MAP1B: variants seen among roughly 807,000 people sequenced by gnomAD.
The protein encoded by MAP1B is microtubule-associated protein 1B.
MAP1B carries 12 observed loss-of-function variants against 176.1 expected under a neutral mutation model. That is an observed-to-expected ratio of 0.07 (90% CI 0.04 to 0.11). The LOEUF (loss-of-function observed/expected upper bound fraction) is 0.11. Among genes scored for constraint, MAP1B ranks in the 10% least tolerant of loss-of-function variants. The pLI, the probability that MAP1B is intolerant of heterozygous loss-of-function variation, is 1.00. For missense variants in MAP1B, 2,523 were observed against 2,990.5 expected (o/e 0.84, Z 3.65); for synonymous variants, 1,044 against 1,135.0 (o/e 0.92, Z 1.61).
At position 72,198,252 on chromosome 5, in the gene MAP1B, ACAC is replaced by A. The variant is rs1406276611; in HGVS notation, c.4899_4901del (p.Pro1634del). On this transcript the variant is annotated inframe_deletion, in exon 5 of 7. Transcript: ENST00000296755. The stretch of plus-strand genomic sequence containing the variant: ...CTCCCCTAAAACTGCAAAGTCCAGG[ACAC>A]CCGTTCAAGATCACAGATCTGAACA... 6.2e-7 allele frequency: 1 copy of A among 1,614,224 alleles called. No individual in the cohort carries two copies. Among genetic ancestry groups the A allele is most frequent in the Non-Finnish European group, 8.5e-7 (1 of 1,180,026 alleles).
intron 2 of MAP1B, among the ~76,000 whole-genome samples, chr5:72,163,832 T>C (rs1429962226): frequency 2.6e-5 from 4 of 151,922 alleles, no homozygotes; most frequent in Non-Finnish European, 2.9e-5. Context: ...TTGGAATAGA[T>C]CCATATAAAT....
At chr5:72,116,699 T>C (rs1214159316) in intron 2 of MAP1B, among the ~76,000 whole-genome samples, 1 of 152,164 alleles carries the variant, frequency 6.6e-6, no homozygotes, top group East Asian at 1.9e-4. Context: ...CATTGACCCA[T>C]CAGAAACACT....
In MAP1B at chr5:72,194,434, A is replaced by G. The variant is rs1747098666; in HGVS notation, c.1079A>G (p.Asn360Ser). ...ISPDLGVVFLNVPENLKNPEP... is the reference protein window; with the variant it reads ...ISPDLGVVFLSVPENLKNPEP... ...CCTGACTTAGGAGTTGTATTTCTCA[A>G]TGTACCTGAAAATCTCAAAAATCCA... Residue 360 changes from asparagine to serine, a missense_variant, in exon 5 of 7, where the codon AAT (asparagine) becomes AGT (serine). Asn to Ser is a conservative substitution (Grantham distance 46, BLOSUM62 1). Coordinates refer to ENST00000296755, the MANE Select transcript of MAP1B (RefSeq NM_005909.5). This position sits in a 1 kb window ranked among gnomAD's most constrained non-coding sequence, Gnocchi z 7.2. The G allele has an allele frequency of 1.2e-6, 2 of 1,614,080 alleles. No homozygotes were observed. The highest frequency in any genetic ancestry group is 1.7e-6 in the Non-Finnish European group (2 of 1,180,018).
chr5:72,187,030 T>G (rs1358649000), intron 4 of MAP1B, among the ~76,000 whole-genome samples: 1 of 152,224 alleles, frequency 6.6e-6, no homozygotes, highest in African/African-American at 2.4e-5. Context: ...GTAAAAATGA[T>G]GGAGAAACTT....
In MAP1B at chr5:72,196,547, C is replaced by T. The variant is rs1747174399; in HGVS notation, c.3192C>T (p.Phe1064=). ...EAGGAEEQYG[F]LTTPTKQLGA... is the part of the protein sequence containing the mutation. ...GTGGTGCCGAGGAGCAGTATGGATT[C>T]CTCACCACACCAACCAAGCAACTAG... Residue 1064 remains phenylalanine, a synonymous_variant, in exon 5 of 7, where the codon TTC becomes TTT. Coordinates refer to ENST00000296755, the MANE Select transcript of MAP1B (RefSeq NM_005909.5). This position sits in a 1 kb window ranked among gnomAD's most constrained non-coding sequence, Gnocchi z 5.3. The T allele has an allele frequency of 1.2e-6, 2 of 1,613,608 alleles. No individual in the cohort carries two copies. Among genetic ancestry groups the T allele is most frequent in the African/African-American group, 1.3e-5 (1 of 74,884 alleles).
chr5:72,184,681 T>C (rs1217089444), intron 3 of MAP1B, among the ~76,000 whole-genome samples: 2 of 152,078 alleles, frequency 1.3e-5, no homozygotes, highest in Non-Finnish European at 2.9e-5. Flanking sequence ...CTTCCTTTAT[T>C]ATAGTTGAGC....
chr5:72,169,953 A>G (rs1746504064), intron 2 of MAP1B, among the ~76,000 whole-genome samples: 1 of 152,222 alleles, frequency 6.6e-6, no homozygotes, highest in South Asian at 2.1e-4. Context: ...AGTAGGTATG[A>G]TGCCTTATTT....
In MAP1B at chr5:72,199,140, A is replaced by G; in HGVS notation, c.5785A>G (p.Thr1929Ala). ...SGYSYETIGK[T>A]TKTPEDGDYS... is the part of the protein sequence containing the mutation. The stretch of plus-strand genomic sequence containing the variant: ...CTACTCCTATGAGACCATTGGGAAA[A>G]CTACCAAGACCCCTGAAGATGGTGA... Residue 1929 changes from threonine (T) to alanine (A), a missense_variant, in exon 5 of 7, where the codon ACT (threonine) becomes GCT (alanine). Transcript: ENST00000296755. The surrounding 1 kb of genome is among the most constrained non-coding windows in gnomAD (Gnocchi z 4.2). 1 of 1,614,148 alleles carries G rather than the reference A, an allele frequency of 6.2e-7. No individual in the cohort carries two copies. Among genetic ancestry groups the G allele is most frequent in the Non-Finnish European group, 8.5e-7 (1 of 1,180,030 alleles).
At chr5:72,167,305 C>A (rs372558663) in intron 2 of MAP1B, among the ~76,000 whole-genome samples, 42 of 152,042 alleles carry the variant, frequency 2.8e-4, no homozygotes, top group African/African-American at 9.4e-4. Context: ...AAACAAGAAG[C>A]AAAAATTTTA....
rs1461655241 is a variant in MAP1B at position 72,200,096 on chromosome 5, G to T, written c.6741G>T (p.Lys2247Asn). The T allele has an allele frequency of 6.2e-7, 1 of 1,614,188 alleles. No individual in the cohort carries two copies. Among genetic ancestry groups the T allele is most frequent in the Non-Finnish European group, 8.5e-7 (1 of 1,180,042 alleles). ...KDLKEKTKTK[K>N]PGTKTKSSSP... is the part of the protein sequence containing the mutation. ...TGAAAGAGAAGACCAAAACCAAAAA[G>T]CCAGGTACAAAGACCAAGTCATCTT... Residue 2247 changes from lysine (K) to asparagine (N), a missense_variant, in exon 5 of 7, where the codon AAG (lysine) becomes AAT (asparagine). By Grantham distance (94) the Lys-to-Asn change is moderately conservative. Transcript: ENST00000296755.
At chr5:72,119,931 G>T (rs1040361777) in intron 2 of MAP1B, among the ~76,000 whole-genome samples, 2 of 152,166 alleles carry the variant, frequency 1.3e-5, no homozygotes, top group Non-Finnish European at 2.9e-5. Context: ...TTTTGGTTAA[G>T]TCTGACCACA....
intron 2 of MAP1B, among the ~76,000 whole-genome samples, chr5:72,178,725 GGTGTGTGTGTGTGTGTGT>G (rs34082751): frequency 1.8e-3 from 248 of 140,502 alleles, no homozygotes; most frequent in Middle Eastern, 3.7e-3. Flanking sequence ...GCCTCTGAGG[GGTGTGTGTGTGTGTGTGT>G]GTGTGTGTGT....
intron 1 of MAP1B, among the ~76,000 whole-genome samples, chr5:72,110,445 C>T (rs1050802402): frequency 2.2e-4 from 34 of 152,318 alleles, no homozygotes; most frequent in African/African-American, 7.7e-4. Context: ...GCCCTTCCAG[C>T]GCTAAGTGAA....
At chr5:72,150,717 C>T (rs1746125399) in intron 2 of MAP1B, among the ~76,000 whole-genome samples, 1 of 152,176 alleles carries the variant, frequency 6.6e-6, no homozygotes, top group South Asian at 2.1e-4. Context: ...GTATTTTCAT[C>T]ATTTAGCTCC....
At chr5:72,171,644 CA>C (rs1392708616) in intron 2 of MAP1B, among the ~76,000 whole-genome samples, 3 of 151,992 alleles carry the variant, frequency 2.0e-5, no homozygotes, top group Non-Finnish European at 4.4e-5. Context: ...CAATCAAACC[CA>C]AATGGGAGAA....
rs780753279 is a variant in MAP1B at position 72,199,549 on chromosome 5, G to A, written c.6194G>A (p.Cys2065Tyr). ...STYSYETSDL[C>Y]YTAEKKSPSE... is the part of the protein sequence containing the mutation. Reference sequence around the variant, plus strand: ...TATTCCTACGAGACTTCAGACCTATGCTACACTGCAGAAAAGAAGTCCCCC... The same window carrying A: ...TATTCCTACGAGACTTCAGACCTATACTACACTGCAGAAAAGAAGTCCCCC... The change falls in exon 5 of 7, where the codon TGC (cysteine) becomes TAC (tyrosine). Residue 2065 changes from cysteine to tyrosine, a missense_variant. Cys to Tyr is a radical substitution (Grantham distance 194). This residue lies in a region of MAP1B where 1,925 missense variants were observed against 2,126.0 expected (regional missense o/e 0.91). Transcript: ENST00000296755. This position sits in a 1 kb window ranked among gnomAD's most constrained non-coding sequence, Gnocchi z 4.2. 6.2e-7 allele frequency: 1 copy of A among 1,614,050 alleles called. No individual in the cohort carries two copies. Among genetic ancestry groups the A allele is most frequent in the Non-Finnish European group, 8.5e-7 (1 of 1,180,046 alleles).
chr5:72,110,905 T>G (rs913716754), intron 1 of MAP1B, among the ~76,000 whole-genome samples: 2 of 152,210 alleles, frequency 1.3e-5, no homozygotes, highest in African/African-American at 4.8e-5. Flanking sequence ...AAATGCCTCT[T>G]GAAACCAGGG....
intron 4 of MAP1B, among the ~76,000 whole-genome samples, chr5:72,190,136 T>TA (rs1561311651): frequency 6.6e-6 from 1 of 152,182 alleles, no homozygotes; most frequent in Admixed American, 6.5e-5. Flanking sequence ...ATAATGTCTA[T>TA]AGTTTTCAAT....
In MAP1B at chr5:72,196,751, C is replaced by T. The variant is rs781056800; in HGVS notation, c.3396C>T (p.Pro1132=). The change falls in exon 5 of 7, where the codon CCC becomes CCT. Residue 1132 remains proline, a synonymous_variant. Coordinates refer to ENST00000296755, the MANE Select transcript of MAP1B (RefSeq NM_005909.5). The surrounding 1 kb of genome is among the most constrained non-coding windows in gnomAD (Gnocchi z 5.3). ...STIEISSEPT[P]MDEMSTPRDV... is the part of the protein sequence containing the mutation. ...TTGAGATATCCAGTGAGCCCACCCC[C>T]ATGGATGAGATGTCTACCCCTCGAG... 1 of 1,614,144 alleles carries T rather than the reference C, an allele frequency of 6.2e-7. No homozygotes were observed. Among genetic ancestry groups the T allele is most frequent in the Non-Finnish European group, 8.5e-7 (1 of 1,180,026 alleles).
Sources: allele counts gnomAD v4.1 joint callset (sites outside exome capture counted in the v4.1 genomes callset), GRCh38; gene constraint gnomAD v4.1.1; regional missense constraint gnomAD v4.1.1; non-coding constraint Gnocchi (gnomAD v3.1); transcripts MANE v1.5; gene names NCBI Gene and HGNC (gene_info 2026-07-23, HGNC 2026-07-21).